Variants in PRKRIP1 observed in about 807,000 individuals in gnomAD.
PRKRIP1 encodes PRKR interacting protein 1.
Under a neutral mutation model 29.3 loss-of-function variants are expected in PRKRIP1, and 29 were observed. That is an observed-to-expected ratio of 0.99 (90% confidence interval 0.74 to 1.35). PRKRIP1 has a LOEUF of 1.35. Ranked by LOEUF, PRKRIP1 falls within the 40% of genes most tolerant of loss-of-function variation. PRKRIP1 has a pLI of 0.00. For missense variants in PRKRIP1, 247 were observed against 236.8 expected, an observed-to-expected ratio of 1.04 and a Z score of -0.28; for synonymous variants, 90 against 85.1, an observed-to-expected ratio of 1.06 and a Z score of -0.32.
At chr7:102,412,398 T>A (rs1226072307) in intron 5 of PRKRIP1, among the ~76,000 whole-genome samples, 2 of 152,088 alleles carry the variant, frequency 1.3e-5, no homozygotes, top group Non-Finnish European at 2.9e-5. Context: ...CTACAAAATA[T>A]TTAAAAATAA....
At position 102,425,621 on chromosome 7, in the gene PRKRIP1, T is replaced by G. The variant is rs2133210003; in HGVS notation, c.*510T>G. 8.3e-6 allele frequency: 2 copies of G among 240,786 alleles called. No homozygotes were observed. Among genetic ancestry groups the G allele is most frequent in the South Asian group, 8.1e-5 (2 of 24,654 alleles). 14.9% of individuals were successfully genotyped at this position (240,786 alleles called of 1,614,324 possible). ...GTTGCCCACTCACTCCAGTGGGAAG[T>G]GGGGACCACGCCATAGAGGGTCTGC... On this transcript the variant is annotated 3_prime_UTR_variant, in exon 6 of 6. Coordinates refer to ENST00000397912, the MANE Select transcript of PRKRIP1 (RefSeq NM_024653.4).
At chr7:102,401,622 A>C (rs1256333064) in intron 3 of PRKRIP1, among the ~76,000 whole-genome samples, 1 of 152,180 alleles carries the variant, frequency 6.6e-6, no homozygotes, top group Admixed American at 6.5e-5. Context: ...AATCCCAGCT[A>C]CTCGGGAGGC....
At chr7:102,409,102 A>G (rs1216127545) in intron 5 of PRKRIP1, among the ~76,000 whole-genome samples, 1 of 152,132 alleles carries the variant, frequency 6.6e-6, no homozygotes, top group East Asian at 1.9e-4. Flanking sequence ...TGAACCTGGG[A>G]GGCAGAGGTT....
At chr7:102,407,277 G>T (rs1321193333) in intron 4 of PRKRIP1, among the ~76,000 whole-genome samples, 157 bp from the exon 5 acceptor site, 1 of 151,770 alleles carries the variant, frequency 6.6e-6, no homozygotes, top group Non-Finnish European at 1.5e-5. Flanking sequence ...TGCAAAAACG[G>T]CAATTACTTT....
intron 5 of PRKRIP1, among the ~76,000 whole-genome samples, chr7:102,413,147 T>C (rs1385916369): frequency 1.3e-5 from 2 of 152,142 alleles, no homozygotes; most frequent in African/African-American, 2.4e-5. Context: ...TCTCGTGGCA[T>C]CCTAGTGTCT....
chr7:102,418,893 A>G (rs1445976147), intron 5 of PRKRIP1, among the ~76,000 whole-genome samples: 2 of 151,840 alleles, frequency 1.3e-5, no homozygotes, highest in Non-Finnish European at 1.5e-5. Flanking sequence ...ACGATGTTAC[A>G]TTTTATCGCC....
rs1162422298 is a variant in PRKRIP1, at chr7:102,407,508, G to A, written c.457+10G>A. On this transcript the variant is annotated intron_variant, in intron 5 of 5. Coordinates refer to ENST00000397912, the MANE Select transcript of PRKRIP1 (RefSeq NM_024653.4). ...CAGAAGAAACAAGAAGGTGAGTGGT[G>A]CCCACTTTTCTTGGCTGTAGCTTCT... 7.5e-6 allele frequency: 12 copies of A among 1,604,670 alleles called. No homozygotes were observed. Among genetic ancestry groups the A allele is most frequent in the African/African-American group, 1.3e-5 (1 of 74,806 alleles).
At chr7:102,423,487 G>C (rs1206350942) in intron 5 of PRKRIP1, 1 of 230,406 alleles carries the variant, frequency 4.3e-6, no homozygotes, top group African/African-American at 2.4e-5. Flanking sequence ...CTGGGTCCCT[G>C]TCTTAGTGAA....
chr7:102,407,357 C>T, intron 4 of PRKRIP1, 77 bp from the exon 5 acceptor site: 1 of 857,272 alleles, frequency 1.2e-6, no homozygotes. Flanking sequence ...TTTAGAGATA[C>T]CATAAGGAGG....
intron 5 of PRKRIP1, among the ~76,000 whole-genome samples, chr7:102,422,490 C>T (rs1399008936): frequency 6.6e-6 from 1 of 151,986 alleles, no homozygotes; most frequent in African/African-American, 2.4e-5. Flanking sequence ...ATTACAGGTG[C>T]ACCACCACGC....
intron 4 of PRKRIP1, among the ~76,000 whole-genome samples, chr7:102,405,394 G>A (rs1796186786): frequency 6.6e-6 from 1 of 152,158 alleles, no homozygotes; most frequent in African/African-American, 2.4e-5. Context: ...TGAGAGCTGA[G>A]GAGGATTCTA....
chr7:102,420,483 A>G (rs797031608), intron 5 of PRKRIP1, among the ~76,000 whole-genome samples: 21 of 152,320 alleles, frequency 1.4e-4, no homozygotes, highest in African/African-American at 5.1e-4. Context: ...TATCACCAAC[A>G]TGAAGCATAG....
At chr7:102,402,525 T>C (rs1398941497) in intron 3 of PRKRIP1, among the ~76,000 whole-genome samples, 4 of 152,020 alleles carry the variant, frequency 2.6e-5, no homozygotes, top group South Asian at 2.1e-4. Flanking sequence ...TTATAAACTA[T>C]TTTAGAGGGG....
At chr7:102,397,545 C>T (rs1005073439) in intron 1 of PRKRIP1, 75 bp from the exon 2 acceptor site, 10 of 1,230,210 alleles carry the variant, frequency 8.1e-6, no homozygotes, top group African/African-American at 4.5e-5. Flanking sequence ...GAACCTGTCT[C>T]TAAAAAAAGA....
chr7:102,399,441 G>T, intron 2 of PRKRIP1, 107 bp from the exon 3 acceptor site: 1 of 820,350 alleles, frequency 1.2e-6, no homozygotes, highest in Non-Finnish European at 2.1e-6. Context: ...GGAAGGCATG[G>T]TCCCTTCCAC....
chr7:102,421,021 T>C (rs1796679732), intron 5 of PRKRIP1, among the ~76,000 whole-genome samples: 1 of 152,144 alleles, frequency 6.6e-6, no homozygotes, highest in Non-Finnish European at 1.5e-5. Context: ...CAGACCTCCA[T>C]GCTTACTCAC....
chr7:102,418,201 C>T (rs1447776387), intron 5 of PRKRIP1, among the ~76,000 whole-genome samples: 1 of 151,932 alleles, frequency 6.6e-6, no homozygotes, highest in African/African-American at 2.4e-5. Flanking sequence ...AGGCACGTGC[C>T]ACCACACTCA....
chr7:102,402,018 GTTC>G (rs1219756412), intron 3 of PRKRIP1, among the ~76,000 whole-genome samples: 4 of 152,200 alleles, frequency 2.6e-5, no homozygotes, highest in Non-Finnish European at 5.9e-5. Flanking sequence ...GGTGTTGGTG[GTTC>G]TTCTTGTTTC....
At chr7:102,423,030 C>T (rs1796737326) in intron 5 of PRKRIP1, 1 of 391,440 alleles carries the variant, frequency 2.6e-6, no homozygotes, top group Non-Finnish European at 5.3e-6. Flanking sequence ...GGAATGCTTC[C>T]AGTCCTCCTC....
Sources: gnomAD v4.1 joint callset for allele counts (sites outside exome capture counted in the v4.1 genomes callset) on GRCh38, gnomAD v4.1.1 for gene constraint, MANE v1.5 for transcripts, NCBI Gene and HGNC (gene_info 2026-07-23, HGNC 2026-07-21) for gene names.